Variants in ZNF521 observed in about 807,000 individuals in gnomAD.
ZNF521 encodes LYST-interacting protein 3.
In ZNF521, 14 loss-of-function variants were observed where a neutral mutation model predicts 105.5. The ratio of observed to expected loss-of-function variants is 0.13; its 90% CI spans 0.09 to 0.21. The LOEUF (loss-of-function observed/expected upper bound fraction) is 0.21. Among genes scored for constraint, ZNF521 ranks in the 10% least tolerant of loss-of-function variants. The pLI is 1.00. For synonymous variants in ZNF521, 635 were observed against 606.0 expected (o/e 1.05, Z -0.70); for missense variants, 1,233 against 1,629.7 (o/e 0.76, Z 4.19).
At chr18:25,328,312 A>T (rs1452972106) in intron 2 of ZNF521, among the ~76,000 whole-genome samples, 1 of 152,006 alleles carries the variant, frequency 6.6e-6, no homozygotes, top group East Asian at 1.9e-4. Context: ...CAAGGAGAAC[A>T]TGCCAATTGT....
chr18:25,334,136 A>T (rs773083098), intron 2 of ZNF521, among the ~76,000 whole-genome samples: 4 of 152,152 alleles, frequency 2.6e-5, no homozygotes, highest in Non-Finnish European at 5.9e-5. Context: ...ATTTTTTTTA[A>T]TCAGAAGACA....
At chr18:25,340,529 C>A (rs1254266753) in intron 2 of ZNF521, among the ~76,000 whole-genome samples, 1 of 152,134 alleles carries the variant, frequency 6.6e-6, no homozygotes, top group African/African-American at 2.4e-5. Context: ...GATTTTGTTC[C>A]ATCAGCTATA....
At position 25,269,431 on chromosome 18, in the gene ZNF521, C is replaced by T. The variant is rs149067795; in HGVS notation, c.221-41734G>A. Among the ~76,000 whole-genome samples the T allele has an allele frequency of 9.5e-3, 1,439 of 152,230 alleles. 27 individuals are homozygous for T. The highest frequency in any genetic ancestry group is 0.033 in the African/African-American group (1,384 of 41,532). ...TCAGGTCTTGAACTCAGCTCTAGACCAAGTGGACCTAATAGACATCTACAG... is the reference window on the plus strand; with the variant it reads ...TCAGGTCTTGAACTCAGCTCTAGACTAAGTGGACCTAATAGACATCTACAG... On this transcript the variant is annotated intron_variant, in intron 3 of 7. Coordinates refer to ENST00000361524, the MANE Select transcript of ZNF521 (RefSeq NM_015461.3).
At chr18:25,191,856 A>T (rs2035823675) in intron 5 of ZNF521, among the ~76,000 whole-genome samples, 1 of 152,196 alleles carries the variant, frequency 6.6e-6, no homozygotes, top group African/African-American at 2.4e-5. Context: ...TAATAATAAT[A>T]ACAGACAGCT....
At chr18:25,198,723 T>C (rs2035942623) in intron 4 of ZNF521, among the ~76,000 whole-genome samples, 1 of 151,858 alleles carries the variant, frequency 6.6e-6, no homozygotes, top group African/African-American at 2.4e-5. Flanking sequence ...AAGGAGGAAG[T>C]GTAGGTCGTG....
intron 5 of ZNF521, among the ~76,000 whole-genome samples, chr18:25,177,971 A>C (rs546727428): frequency 6.6e-6 from 1 of 152,332 alleles, no homozygotes; most frequent in African/African-American, 2.4e-5. Context: ...ACATATACAA[A>C]ATGTAAAAAA....
chr18:25,078,918 G>A (rs546645971), intron 7 of ZNF521, among the ~76,000 whole-genome samples: 2 of 152,356 alleles, frequency 1.3e-5, no homozygotes, highest in East Asian at 1.9e-4. Context: ...GGATAGGACA[G>A]AGTGGGAACA....
At chr18:25,253,310 T>C (rs1445807793) in intron 3 of ZNF521, among the ~76,000 whole-genome samples, 1 of 152,148 alleles carries the variant, frequency 6.6e-6, no homozygotes, top group Non-Finnish European at 1.5e-5. Flanking sequence ...CCTTAACCCC[T>C]GAAGTACAAA....
intron 2 of ZNF521, among the ~76,000 whole-genome samples, chr18:25,330,299 G>T (rs1439252184): frequency 1.3e-5 from 2 of 152,126 alleles, no homozygotes; most frequent in African/African-American, 2.4e-5. Context: ...AAGTAGCTGG[G>T]ACTACAGGCC....
At chr18:25,289,666 C>A (rs1910905279) in intron 3 of ZNF521, among the ~76,000 whole-genome samples, 2 of 152,200 alleles carry the variant, frequency 1.3e-5, no homozygotes, top group Non-Finnish European at 2.9e-5. Context: ...CACTTACCCC[C>A]AACTCTCTTG....
intron 3 of ZNF521, among the ~76,000 whole-genome samples, chr18:25,280,956 T>C (rs766477984): frequency 2.0e-5 from 3 of 152,198 alleles, no homozygotes; most frequent in Non-Finnish European, 4.4e-5. Context: ...CCCAAATCCC[T>C]TTCCGCTCAT....
intron 2 of ZNF521, chr18:25,327,810 G>A (rs1190730801): frequency 2.0e-5 from 8 of 394,648 alleles, no homozygotes; most frequent in East Asian, 7.0e-5. Flanking sequence ...TCCCGCACTC[G>A]CCTGCTGGTC....
At chr18:25,164,080 A>C (rs1488146339) in intron 5 of ZNF521, among the ~76,000 whole-genome samples, 1 of 152,190 alleles carries the variant, frequency 6.6e-6, no homozygotes, top group Non-Finnish European at 1.5e-5. Flanking sequence ...CAGTTGGAAA[A>C]GATCTGCTTG....
chr18:25,127,115 G>A (rs765952715), intron 5 of ZNF521, among the ~76,000 whole-genome samples: 11 of 152,082 alleles, frequency 7.2e-5, no homozygotes, highest in Non-Finnish European at 1.2e-4. Flanking sequence ...GCAATTGAGG[G>A]AGGAAATATG....
chr18:25,218,938 A>AC (rs1355701368), intron 4 of ZNF521, among the ~76,000 whole-genome samples: 1 of 152,006 alleles, frequency 6.6e-6, no homozygotes, highest in African/African-American at 2.4e-5. Flanking sequence ...TGCCTCTGCC[A>AC]CCCCCAAGAC....
chr18:25,284,910 G>GCGCACA (rs1555658165), intron 3 of ZNF521, among the ~76,000 whole-genome samples: 92 of 148,688 alleles, frequency 6.2e-4, no homozygotes, highest in Middle Eastern at 3.4e-3. Context: ...GTGCGCGCGC[G>GCGCACA]CACACACACA....
At chr18:25,197,095 T>C (rs1395184054) in intron 4 of ZNF521, among the ~76,000 whole-genome samples, 1 of 151,854 alleles carries the variant, frequency 6.6e-6, no homozygotes, top group African/African-American at 2.4e-5. Context: ...CTTACTACTA[T>C]CTTCAAAATG....
intron 3 of ZNF521, among the ~76,000 whole-genome samples, chr18:25,248,669 T>C (rs1313369875): frequency 6.6e-6 from 1 of 152,208 alleles, no homozygotes. Context: ...CTTACTTAAT[T>C]AGTCATTAAT....
At chr18:25,232,770 G>T (rs1231550858) in intron 3 of ZNF521, among the ~76,000 whole-genome samples, 1 of 152,170 alleles carries the variant, frequency 6.6e-6, no homozygotes, top group Non-Finnish European at 1.5e-5. Context: ...TACAATCATT[G>T]CATTATTTAG....
Sources: gnomAD v4.1 joint callset for allele counts (sites outside exome capture counted in the v4.1 genomes callset) on GRCh38, gnomAD v4.1.1 for gene constraint, MANE v1.5 for transcripts, NCBI Gene and HGNC (gene_info 2026-07-23, HGNC 2026-07-21) for gene names.